Variants in PHACTR2 observed in about 807,000 individuals in gnomAD.
The protein encoded by PHACTR2 is phosphatase and actin regulator 2.
PHACTR2 carries 30 observed loss-of-function variants against 76.0 expected under a neutral mutation model. The ratio of observed to expected loss-of-function variants is 0.39; its 90% confidence interval spans 0.30 to 0.54. The LOEUF (loss-of-function observed/expected upper bound fraction) is 0.54. PHACTR2 is among the 20% of genes least tolerant of loss of function. The pLI, the probability that PHACTR2 is intolerant of heterozygous loss-of-function variation, is 0.61. For synonymous variants in PHACTR2, 292 were observed against 292.5 expected (o/e 1.00, Z 0.02); for missense variants, 696 against 781.1 (o/e 0.89, Z 1.30).
Position 143,738,299 on chromosome 6 carries a change from G to A in PHACTR2, c.215-10686G>A, listed in dbSNP as rs771566664. On this transcript the variant is annotated intron_variant, in intron 2 of 12. Transcript: ENST00000440869. The surrounding 1 kb of genome is among the most constrained non-coding windows in gnomAD (Gnocchi z 4.0). ...CGGGAGGCAGAGGTTGCAGTGAGCC[G>A]AGATTGTGACACTGCACTCCAGCCT... 2.6e-5 allele frequency among the ~76,000 whole-genome samples: 4 copies of A among 151,914 alleles called. No homozygotes were observed. Among genetic ancestry groups the A allele is most frequent in the East Asian group, 1.9e-4 (1 of 5,142 alleles).
chr6:143,703,829 T>G (rs1356947390), intron 1 of PHACTR2, among the ~76,000 whole-genome samples: 1 of 152,216 alleles, frequency 6.6e-6, no homozygotes, highest in South Asian at 2.1e-4. Flanking sequence ...CATTTATATA[T>G]AGAAAGTTCA....
chr6:143,691,702 C>A (rs567849684), intron 1 of PHACTR2, among the ~76,000 whole-genome samples: 22 of 152,276 alleles, frequency 1.4e-4, no homozygotes, highest in African/African-American at 5.3e-4. Flanking sequence ...GGGGTTGCTG[C>A]ATACTAATTA....
At chr6:143,727,467 G>A (rs1197629106) in intron 2 of PHACTR2, among the ~76,000 whole-genome samples, 1 of 152,120 alleles carries the variant, frequency 6.6e-6, no homozygotes, top group African/African-American at 2.4e-5. Context: ...TTTTGTGGGG[G>A]TGAGTACCTG....
Position 143,678,820 on chromosome 6 carries a change from A to T in PHACTR2, c.46+611A>T, listed in dbSNP as rs1435863636. On this transcript the variant is annotated intron_variant, in intron 1 of 12. Coordinates refer to ENST00000440869, the MANE Select transcript of PHACTR2 (RefSeq NM_001100164.2). The surrounding 1 kb of genome is among the most constrained non-coding windows in gnomAD (Gnocchi z 6.2). ...GTTCTCCAGGACTAAAGTTAGTTTT[A>T]TGGAGACGTGTGTAACGTGTCTGAG... Among the ~76,000 whole-genome samples the T allele has an allele frequency of 6.6e-6, 1 of 152,150 alleles. No individual in the cohort carries two copies. The highest frequency in any genetic ancestry group is 1.5e-5 in the Non-Finnish European group (1 of 68,036).
At chr6:143,666,827 T>C (rs1246940798) in intron 1 of PHACTR2, among the ~76,000 whole-genome samples, 1 of 152,240 alleles carries the variant, frequency 6.6e-6, no homozygotes, top group African/African-American at 2.4e-5. Context: ...TTCTGTAGGT[T>C]GCCTGTTCAC....
chr6:143,736,172 C>T (rs779713857), intron 2 of PHACTR2, among the ~76,000 whole-genome samples: 3 of 152,092 alleles, frequency 2.0e-5, no homozygotes, highest in Admixed American at 6.5e-5. Context: ...AATTTTTTGT[C>T]GAAATGGAGT....
At chr6:143,630,401 T>G (rs1325544550) in intron 1 of PHACTR2, among the ~76,000 whole-genome samples, 1 of 151,834 alleles carries the variant, frequency 6.6e-6, no homozygotes, top group Admixed American at 6.6e-5. Flanking sequence ...TTGTAGAATC[T>G]CTATAACTAC....
At chr6:143,573,436 TC>T (rs1251179012) in intron 1 of PHACTR2, among the ~76,000 whole-genome samples, 1 of 152,198 alleles carries the variant, frequency 6.6e-6, no homozygotes, top group African/African-American at 2.4e-5. Context: ...ATGTTTGTCA[TC>T]CATGGGAGCC....
At chr6:143,788,200 A>G (rs1479425929) in intron 10 of PHACTR2, among the ~76,000 whole-genome samples, 1 of 152,160 alleles carries the variant, frequency 6.6e-6, no homozygotes, top group African/African-American at 2.4e-5. Flanking sequence ...ATTCGTGTAC[A>G]TCGGTTTTTC....
chr6:143,812,072 T>G (rs1316059875), intron 12 of PHACTR2, among the ~76,000 whole-genome samples: 2 of 152,118 alleles, frequency 1.3e-5, no homozygotes, highest in African/African-American at 2.4e-5. Context: ...CTTGCAGATT[T>G]GGGGTGGTTA....
intron 11 of PHACTR2, among the ~76,000 whole-genome samples, chr6:143,792,373 C>T (rs1421727961): frequency 6.6e-6 from 1 of 152,018 alleles, no homozygotes; most frequent in Non-Finnish European, 1.5e-5. Context: ...AGAAATAGTA[C>T]TGCATTATGA....
chr6:143,815,460 T>C (rs1776276675), intron 12 of PHACTR2, among the ~76,000 whole-genome samples: 2 of 151,980 alleles, frequency 1.3e-5, no homozygotes, highest in South Asian at 2.1e-4. Flanking sequence ...ATAATAAGTA[T>C]AGGTGGCGTG....
upstream of PHACTR2, among the ~76,000 whole-genome samples, chr6:143,675,336 G>T (rs994131927): frequency 6.6e-6 from 1 of 152,216 alleles, no homozygotes; most frequent in Admixed American, 6.5e-5. The surrounding 1 kb of genome is among the most constrained non-coding windows in gnomAD (Gnocchi z 4.9). Context: ...GCCATGGTAT[G>T]ATATGATGCG....
At chr6:143,778,713 G>C (rs1371731625) in intron 9 of PHACTR2, among the ~76,000 whole-genome samples, 1 of 152,174 alleles carries the variant, frequency 6.6e-6, no homozygotes, top group Non-Finnish European at 1.5e-5. Flanking sequence ...TAAGTTTTAA[G>C]CATGCTCAAA....
intron 1 of PHACTR2, among the ~76,000 whole-genome samples, chr6:143,560,039 G>A (rs1329076217): frequency 6.6e-6 from 1 of 152,136 alleles, no homozygotes; most frequent in Non-Finnish European, 1.5e-5. Flanking sequence ...AACAAAAATT[G>A]AGAGTAGGGG....
rs533448367 is a variant in PHACTR2 at position 143,824,770 on chromosome 6, C to T, written c.*1081C>T. ...GCTGCATTTTTTTAAAGTTGGATTG[C>T]TGCTATTTAAAAAAAAAAAAAGGAC... On this transcript the variant is annotated 3_prime_UTR_variant, in exon 13 of 13. Transcript: ENST00000440869. The surrounding 1 kb of genome is among the most constrained non-coding windows in gnomAD (Gnocchi z 6.3). 1.3e-4 allele frequency: 20 copies of T among 150,218 alleles called. No homozygotes were observed. The highest frequency in any genetic ancestry group is 4.2e-4 in the African/African-American group (17 of 40,878). The allele number at this position is 150,218 out of a possible 1,614,324, so 9.3% of individuals were successfully genotyped here.
chr6:143,668,850 T>A (rs1161083836), intron 1 of PHACTR2, among the ~76,000 whole-genome samples: 1 of 152,102 alleles, frequency 6.6e-6, no homozygotes, highest in East Asian at 1.9e-4. Flanking sequence ...TTTTGAAGGG[T>A]TTTTCATTTA....
chr6:143,785,289 T>C (rs1775528084), intron 10 of PHACTR2, among the ~76,000 whole-genome samples: 1 of 152,124 alleles, frequency 6.6e-6, no homozygotes, highest in Non-Finnish European at 1.5e-5. Context: ...AAGTCTGAAA[T>C]CCAGTGGGGC....
rs961916249 is a variant in PHACTR2, at chr6:143,639,530, C to A, written c.13+31208C>A. The stretch of plus-strand genomic sequence containing the variant: ...CTTTTGGCATCTAGATGACATTTGG[C>A]CCATTCAAAAAGAATTAATTGTGCT... On this transcript the variant is annotated intron_variant, in intron 1 of 11. Coordinates refer to the PHACTR2 transcript ENST00000305766. This position sits in a 1 kb window ranked among gnomAD's most constrained non-coding sequence, Gnocchi z 5.0. 6.6e-6 allele frequency among the ~76,000 whole-genome samples: 1 copy of A among 152,002 alleles called. No individual in the cohort carries two copies. The highest frequency in any genetic ancestry group is 6.6e-5 in the Admixed American group (1 of 15,244).
Sources: allele counts gnomAD v4.1 joint callset (sites outside exome capture counted in the v4.1 genomes callset), GRCh38; gene constraint gnomAD v4.1.1; non-coding constraint Gnocchi (gnomAD v3.1); transcripts MANE v1.5; gene names NCBI Gene and HGNC (gene_info 2026-07-23, HGNC 2026-07-21).